The following LRTM1 variants were observed in gnomAD, a reference collection of about 807,000 sequenced individuals.
LRTM1 encodes leucine-rich repeat and transmembrane domain-containing protein 1.
A neutral mutation model predicts 32.4 loss-of-function variants in LRTM1; 38 were observed. The ratio of observed to expected loss-of-function variants is 1.17; its 90% CI spans 0.91 to 1.54. LRTM1 has a LOEUF of 1.54. LRTM1 is among the 40% of genes most tolerant of loss of function. The pLI is 0.00. For synonymous variants in LRTM1, 186 were observed against 169.9 expected (o/e 1.09, Z -0.74); for missense variants, 466 against 415.4 (o/e 1.12, Z -1.06).
At chr3:54,957,406 C>T (rs1701926077) in intron 1 of LRTM1, among the ~76,000 whole-genome samples, 1 of 152,150 alleles carries the variant, frequency 6.6e-6, no homozygotes, top group African/African-American at 2.4e-5. Context: ...ATCTCAGCCT[C>T]CTAAAGTGCT....
chr3:54,930,386 GA>G (rs757751272), upstream of LRTM1, among the ~76,000 whole-genome samples: 1 of 152,198 alleles, frequency 6.6e-6, no homozygotes, highest in Non-Finnish European at 1.5e-5. Context: ...AAATGGGATT[GA>G]AAGGCACTCT....
chr3:54,959,774 T>C (rs1490650640), intron 1 of LRTM1, among the ~76,000 whole-genome samples: 1 of 152,194 alleles, frequency 6.6e-6, no homozygotes. Flanking sequence ...TTGAAAACTT[T>C]ATTGAAATAA....
intron 1 of LRTM1, among the ~76,000 whole-genome samples, chr3:54,965,563 G>A (rs891144705): frequency 7.2e-5 from 11 of 152,318 alleles, no homozygotes; most frequent in African/African-American, 1.9e-4. Flanking sequence ...TCAACTGGAC[G>A]TGGAGGGAGC....
chr3:54,928,011 C>A lies in LRTM1; in HGVS notation c.-100G>T. ...ATGGCAGACTCAGAGCCCAGCTTTA[C>A]ATTCAGTCTTTCTGAACCCTGCCCT... On this transcript the variant is annotated 5_prime_UTR_variant, in exon 1 of 3. The change abolishes an upstream ATG in the 5' untranslated region. Coordinates refer to ENST00000273286, the MANE Select transcript of LRTM1 (RefSeq NM_020678.4). The A allele has an allele frequency of 9.0e-7, 1 of 1,111,374 alleles. No individual in the cohort carries two copies. Among genetic ancestry groups the A allele is most frequent in the Non-Finnish European group, 1.4e-6 (1 of 731,074 alleles). The allele number at this position is 1,111,374 out of a possible 1,614,324, so 68.8% of individuals were successfully genotyped here.
intron 1 of LRTM1, among the ~76,000 whole-genome samples, chr3:54,935,343 A>C (rs1701301887): frequency 6.6e-6 from 1 of 152,184 alleles, no homozygotes; most frequent in Non-Finnish European, 1.5e-5. Context: ...GTTGTCCTGC[A>C]CTCAGGACAT....
At chr3:54,921,985 C>G (rs1042258851) in intron 2 of LRTM1, among the ~76,000 whole-genome samples, 7 of 151,270 alleles carry the variant, frequency 4.6e-5, no homozygotes, top group African/African-American at 1.7e-4. Flanking sequence ...TATAATCAGA[C>G]TGTCTCCCAT....
chr3:54,943,191 C>T (rs527772011), intron 1 of LRTM1, among the ~76,000 whole-genome samples: 101 of 137,754 alleles, frequency 7.3e-4, no homozygotes, highest in African/African-American at 2.3e-3. Context: ...AATAGCAACA[C>T]GCTATCTCTG....
rs61735203 is a variant in LRTM1 at position 54,918,617 on chromosome 3, C to T, written c.880G>A (p.Val294Ile). The T allele has an allele frequency of 3.4e-3, 5,507 of 1,614,150 alleles. 148 individuals are homozygous for T. In the African/African-American group the frequency reaches 0.06, roughly 18 times the overall value. The change falls in exon 3 of 3, where the codon GTT becomes ATT. Residue 294 changes from valine to isoleucine, a missense_variant. Transcript: ENST00000273286. ...HAIATVIITG[V>I]VCGIVCLMML... ...ATGAGACACACAATCCCACACACAACGCCAGTGATGATGACAGTGGCAATG... is the reference window on the plus strand; with the variant it reads ...ATGAGACACACAATCCCACACACAATGCCAGTGATGATGACAGTGGCAATG...
chr3:54,924,569 T>C (rs1167844739), intron 2 of LRTM1, 50 bp downstream of exon 2: 1 of 1,431,808 alleles, frequency 7.0e-7, no homozygotes, highest in Non-Finnish European at 9.7e-7. Context: ...ATGAGATTCA[T>C]CCTAGGCTGG....
At chr3:54,939,988 T>G (rs1402507533) in intron 1 of LRTM1, among the ~76,000 whole-genome samples, 1 of 152,206 alleles carries the variant, frequency 6.6e-6, no homozygotes, top group Non-Finnish European at 1.5e-5. Flanking sequence ...ACAGGATGCC[T>G]CTAGGACTCC....
At position 54,965,378 on chromosome 3, in the gene LRTM1, C is replaced by A. The variant is rs564602230; in HGVS notation, c.-222+1550G>T. The stretch of plus-strand genomic sequence containing the variant: ...CTTTAAAAAGGTTCTCTCCCTTCCC[C>A]TCCCTTACTGTTTCCTCCATTTGGA... On this transcript the variant is annotated intron_variant, in intron 1 of 2. Transcript: ENST00000493075. Among the ~76,000 whole-genome samples the A allele has an allele frequency of 7.7e-4, 117 of 152,308 alleles. 1 individual carries two copies. Among genetic ancestry groups the A allele is most frequent in the African/African-American group, 2.6e-3 (108 of 41,568 alleles).
chr3:54,929,739 T>G (rs1046555964), upstream of LRTM1, among the ~76,000 whole-genome samples: 6 of 152,120 alleles, frequency 3.9e-5, no homozygotes, highest in Admixed American at 3.9e-4. Context: ...AATGATTTCT[T>G]CCCTCCTTCC....
intron 1 of LRTM1, among the ~76,000 whole-genome samples, chr3:54,951,431 A>G (rs1011778266): frequency 7.2e-5 from 11 of 152,212 alleles, no homozygotes; most frequent in African/African-American, 2.7e-4. Flanking sequence ...CGACACCATT[A>G]GGGACATGGA....
rs901056759 is a variant in LRTM1 at position 54,918,406 on chromosome 3, T to C, written c.*53A>G. 7.6e-7 allele frequency: 1 copy of C among 1,318,670 alleles called. No individual in the cohort carries two copies. Among genetic ancestry groups the C allele is most frequent in the Non-Finnish European group, 1.0e-6 (1 of 976,496 alleles). The allele number at this position is 1,318,670 out of a possible 1,614,324, so 81.7% of individuals were successfully genotyped here. A position where few individuals can be genotyped will look rare whatever the true frequency, so the allele number is the denominator to read the frequency against. On this transcript the variant is annotated 3_prime_UTR_variant, in exon 3 of 3. Coordinates refer to ENST00000273286, the MANE Select transcript of LRTM1 (RefSeq NM_020678.4). ...CTAACAGGAAACACATCAGCCCTAC[T>C]CAGACACTATCTTCTGGCCTGCAAT... is the stretch of plus-strand genomic sequence containing the variant.
At chr3:54,955,693 A>G (rs1393606844) in intron 1 of LRTM1, among the ~76,000 whole-genome samples, 2 of 152,102 alleles carry the variant, frequency 1.3e-5, no homozygotes, top group African/African-American at 2.4e-5. Context: ...CTGAGATCAG[A>G]CAGCCTGGCT....
intron 2 of LRTM1, 87 bp from the exon 3 acceptor site, chr3:54,918,979 G>A (rs1700752819): frequency 3.6e-6 from 4 of 1,105,496 alleles, no homozygotes; most frequent in South Asian, 2.7e-5. Flanking sequence ...TTAGGCAGAT[G>A]GAATTTATGA....
At chr3:54,953,815 C>T (rs776438737) in intron 1 of LRTM1, among the ~76,000 whole-genome samples, 8 of 152,250 alleles carry the variant, frequency 5.3e-5, no homozygotes, top group Admixed American at 2.0e-4. Flanking sequence ...TCAGTGCGCA[C>T]AACCCTAGGT....
chr3:54,956,188 G>A (rs1575405520), intron 1 of LRTM1, among the ~76,000 whole-genome samples: 1 of 152,174 alleles, frequency 6.6e-6, no homozygotes, highest in Non-Finnish European at 1.5e-5. Flanking sequence ...ACTTTGAAGT[G>A]GGTATCTCCC....
intron 1 of LRTM1, among the ~76,000 whole-genome samples, chr3:54,940,734 T>C (rs1349208605): frequency 6.6e-6 from 1 of 152,212 alleles, no homozygotes; most frequent in Non-Finnish European, 1.5e-5. Flanking sequence ...CCTTTTGCAT[T>C]TATTCTGTGC....
Sources: gnomAD v4.1 joint callset for allele counts (sites outside exome capture counted in the v4.1 genomes callset) on GRCh38, gnomAD v4.1.1 for gene constraint, MANE v1.5 for transcripts, NCBI Gene and HGNC (gene_info 2026-07-23, HGNC 2026-07-21) for gene names.